Variants in PSMD1 observed in about 807,000 individuals in gnomAD.
PSMD1 encodes the protein proteasome 26S subunit, non-ATPase 1.
PSMD1 carries 18 observed loss-of-function variants against 119.0 expected under a neutral mutation model. That is an observed-to-expected ratio of 0.15 (90% CI 0.10 to 0.22). The LOEUF is 0.22. Among genes scored for constraint, PSMD1 ranks in the 10% least tolerant of loss-of-function variants. PSMD1 has a pLI of 1.00. For synonymous variants in PSMD1, 374 were observed against 396.6 expected (o/e 0.94, Z 0.68); for missense variants, 702 against 1,158.5 (o/e 0.61, Z 5.72).
chr2:231,080,734 C>T (rs1694289526), intron 12 of PSMD1, among the ~76,000 whole-genome samples: 1 of 152,146 alleles, frequency 6.6e-6, no homozygotes, highest in African/African-American at 2.4e-5. Flanking sequence ...TAGCCCTGTT[C>T]TTATTTTAAG....
rs1050945886 is a variant in PSMD1, at chr2:231,099,198, T to C, written c.1883+12017T>C. Among the ~76,000 whole-genome samples the C allele has an allele frequency of 5.9e-5, 9 of 152,178 alleles. No homozygotes were observed. In the East Asian group the frequency reaches 1.7e-3, roughly 29 times the overall value. On this transcript the variant is annotated intron_variant, in intron 16 of 24. Transcript: ENST00000308696. ...TCCCATGCGCTGGAATTTTTAGGCA[T>C]GAGAGCTGGCTCCTCTGACTTTTCA...
At chr2:231,103,565 A>G (rs1482910178) in intron 16 of PSMD1, among the ~76,000 whole-genome samples, 1 of 152,176 alleles carries the variant, frequency 6.6e-6, no homozygotes, top group African/African-American at 2.4e-5. Flanking sequence ...CTTGAACCCT[A>G]TCTCTTCTTT....
chr2:231,144,409 G>A (rs867292300), intron 17 of PSMD1, among the ~76,000 whole-genome samples: 13 of 132,726 alleles, frequency 9.8e-5, no homozygotes, highest in Middle Eastern at 8.6e-3. Context: ...CCGCCACCAC[G>A]CCCAGCTAAT....
At chr2:231,060,713 G>A (rs1311745225) in intron 1 of PSMD1, among the ~76,000 whole-genome samples, 1 of 152,196 alleles carries the variant, frequency 6.6e-6, no homozygotes, top group Non-Finnish European at 1.5e-5. Context: ...GGAAAGAGGT[G>A]CCATAATATA....
chr2:231,110,871 G>A (rs1476385185), intron 16 of PSMD1, among the ~76,000 whole-genome samples: 1 of 152,094 alleles, frequency 6.6e-6, no homozygotes, highest in Non-Finnish European at 1.5e-5. Flanking sequence ...AACCATATAC[G>A]CCCTGCAAGC....
chr2:231,068,028 G>A (rs915140829), intron 5 of PSMD1, among the ~76,000 whole-genome samples: 1 of 152,150 alleles, frequency 6.6e-6, no homozygotes, highest in African/African-American at 2.4e-5. Context: ...CTTGTTTGCA[G>A]AACTTTGATC....
At chr2:231,128,666 T>G (rs1695784367) in intron 16 of PSMD1, among the ~76,000 whole-genome samples, 1 of 152,222 alleles carries the variant, frequency 6.6e-6, no homozygotes, top group African/African-American at 2.4e-5. Context: ...TGATCCCATC[T>G]CATATGTATA....
chr2:231,119,471 C>T (rs1342595315), intron 16 of PSMD1, among the ~76,000 whole-genome samples: 1 of 152,128 alleles, frequency 6.6e-6, no homozygotes, highest in Non-Finnish European at 1.5e-5. Flanking sequence ...AGGATTCAGA[C>T]CCTGGGATGT....
At chr2:231,099,383 G>A (rs1694809194) in intron 16 of PSMD1, among the ~76,000 whole-genome samples, 2 of 152,138 alleles carry the variant, frequency 1.3e-5, no homozygotes, top group African/African-American at 2.4e-5. Context: ...ATCCTCATTC[G>A]ACCCAAAGTT....
chr2:231,110,141 G>A (rs913459354), intron 16 of PSMD1, among the ~76,000 whole-genome samples: 6 of 152,100 alleles, frequency 3.9e-5, no homozygotes, highest in Middle Eastern at 3.2e-3. Flanking sequence ...CCAACATGGC[G>A]AAACCCCATC....
intron 16 of PSMD1, among the ~76,000 whole-genome samples, chr2:231,094,831 G>C (rs1306439215): frequency 1.3e-5 from 2 of 152,072 alleles, no homozygotes; most frequent in African/African-American, 4.8e-5. Flanking sequence ...GCTATTTGCA[G>C]GTCTAGAGAT....
chr2:231,110,816 G>A (rs1328825561), intron 16 of PSMD1, among the ~76,000 whole-genome samples: 1 of 152,162 alleles, frequency 6.6e-6, no homozygotes, highest in Non-Finnish European at 1.5e-5. Context: ...TATTGTCTGT[G>A]GCTGCTTTTG....
intron 16 of PSMD1, among the ~76,000 whole-genome samples, chr2:231,106,677 A>C (rs1321584853): frequency 1.3e-5 from 2 of 152,184 alleles, no homozygotes; most frequent in African/African-American, 4.8e-5. Context: ...GACATGAAAC[A>C]GTTTATAGGT....
At chr2:231,100,089 A>G (rs111638806) in intron 16 of PSMD1, among the ~76,000 whole-genome samples, 79 of 152,306 alleles carry the variant, frequency 5.2e-4, no homozygotes, top group African/African-American at 1.8e-3. Context: ...ACAAGGGGGC[A>G]GGGCAAGCCT....
intron 12 of PSMD1, among the ~76,000 whole-genome samples, chr2:231,081,144 T>TA (rs368987456): frequency 0.024 from 1,794 of 73,896 alleles, 27 homozygotes; most frequent in Middle Eastern, 0.051. Flanking sequence ...AAACTCTGTC[T>TA]AAAAAAAAAA....
chr2:231,064,540 G>T (rs1024336535), intron 4 of PSMD1, among the ~76,000 whole-genome samples: 2 of 152,176 alleles, frequency 1.3e-5, no homozygotes, highest in Non-Finnish European at 2.9e-5. Context: ...TCTCTGATGG[G>T]GTAGGGGTAA....
chr2:231,091,350 T>C (rs1185391760), intron 16 of PSMD1, among the ~76,000 whole-genome samples: 1 of 152,224 alleles, frequency 6.6e-6, no homozygotes, highest in African/African-American at 2.4e-5. Flanking sequence ...TTTAACTGCC[T>C]TCAGCTAAAT....
chr2:231,109,076 G>A (rs1695064682), intron 16 of PSMD1: 2 of 1,614,230 alleles, frequency 1.2e-6, no homozygotes, highest in Non-Finnish European at 1.7e-6. Context: ...TTCATCACCT[G>A]AGTTGGGCAG....
At chr2:231,123,529 A>T (rs749676813) in intron 16 of PSMD1, 2 of 1,614,108 alleles carry the variant, frequency 1.2e-6, no homozygotes, top group South Asian at 2.2e-5. Flanking sequence ...CTCCAGTGAA[A>T]CAGCCAGAAT....
Sources: gnomAD v4.1 joint callset for allele counts (sites outside exome capture counted in the v4.1 genomes callset) on GRCh38, gnomAD v4.1.1 for gene constraint, MANE v1.5 for transcripts, NCBI Gene and HGNC (gene_info 2026-07-23, HGNC 2026-07-21) for gene names.